Variants in SLC4A4 observed in about 807,000 individuals in gnomAD.
The protein encoded by SLC4A4 is solute carrier family 4 member 4.
In SLC4A4, 27 loss-of-function variants were observed where a neutral mutation model predicts 111.5. The ratio of observed to expected loss-of-function variants is 0.24; its 90% confidence interval spans 0.18 to 0.33. SLC4A4 has a LOEUF of 0.33. Ranked by LOEUF, SLC4A4 falls within the 10% of genes least tolerant of loss-of-function variation. SLC4A4 has a pLI of 1.00. For synonymous variants in SLC4A4, 443 were observed against 463.4 expected (o/e 0.96, Z 0.57); for missense variants, 909 against 1,315.5 (o/e 0.69, Z 4.78).
chr4:71,563,620 T>C (rs931053792), intron 23 of SLC4A4, among the ~76,000 whole-genome samples, 173 bp from the exon 24 acceptor site: 1 of 151,712 alleles, frequency 6.6e-6, no homozygotes, highest in South Asian at 2.1e-4. Flanking sequence ...GGAAAACAAA[T>C]GTGAGGGGGA....
intron 24 of SLC4A4, among the ~76,000 whole-genome samples, chr4:71,565,017 T>C (rs976790331): frequency 2.0e-5 from 3 of 151,848 alleles, no homozygotes; most frequent in Admixed American, 6.6e-5. Flanking sequence ...CTATTTTTTT[T>C]TTTTCCAGGA....
intron 1 of SLC4A4, among the ~76,000 whole-genome samples, chr4:71,192,631 C>T (rs912484345): frequency 6.6e-6 from 1 of 152,130 alleles, no homozygotes; most frequent in Non-Finnish European, 1.5e-5. Flanking sequence ...ATTACACCCC[C>T]TTCTCCCTCC....
chr4:71,396,515 T>C (rs977207868), intron 6 of SLC4A4, among the ~76,000 whole-genome samples: 2 of 152,250 alleles, frequency 1.3e-5, no homozygotes, highest in African/African-American at 2.4e-5. Flanking sequence ...GGTGCTTCTT[T>C]TCAACCCTTG....
At chr4:71,136,916 T>C (rs968668956) in intron 2 of SLC4A4, among the ~76,000 whole-genome samples, 1 of 152,196 alleles carries the variant, frequency 6.6e-6, no homozygotes, top group Admixed American at 6.5e-5. Flanking sequence ...AGGGTAATGT[T>C]AGATGAAGAA....
At chr4:71,121,209 G>T (rs114654867) in intron 2 of SLC4A4, among the ~76,000 whole-genome samples, 1 of 151,242 alleles carries the variant, frequency 6.6e-6, no homozygotes, top group African/African-American at 2.4e-5. Flanking sequence ...AGCCTCCCCC[G>T]CTTCCCTCCC....
chr4:71,066,030 G>C (rs1279223459), intron 1 of SLC4A4, among the ~76,000 whole-genome samples: 1 of 151,784 alleles, frequency 6.6e-6, no homozygotes, highest in Non-Finnish European at 1.5e-5. Flanking sequence ...AGTATTTCTT[G>C]AATCAATGAA....
intron 1 of SLC4A4, among the ~76,000 whole-genome samples, chr4:71,188,701 T>A (rs1745602578): frequency 6.6e-6 from 1 of 152,136 alleles, no homozygotes; most frequent in Non-Finnish European, 1.5e-5. Context: ...ATTAGAACAA[T>A]ATTCAGTAGC....
intron 2 of SLC4A4, among the ~76,000 whole-genome samples, chr4:71,240,188 T>A (rs1720097498): frequency 1.3e-5 from 2 of 152,218 alleles, no homozygotes; most frequent in Admixed American, 1.3e-4. Flanking sequence ...TATGGATGTT[T>A]TATTCCTAAA....
intron 12 of SLC4A4, among the ~76,000 whole-genome samples, chr4:71,464,270 T>A (rs931516178): frequency 6.6e-6 from 1 of 152,204 alleles, no homozygotes; most frequent in Admixed American, 6.5e-5. Context: ...TTGTGTCACA[T>A]TGAATGTGAA....
At chr4:71,114,289 T>A (rs1743185780) in intron 2 of SLC4A4, among the ~76,000 whole-genome samples, 1 of 151,702 alleles carries the variant, frequency 6.6e-6, no homozygotes, top group Non-Finnish European at 1.5e-5. Context: ...GGACTTCATG[T>A]CTAAAACACC....
intron 7 of SLC4A4, among the ~76,000 whole-genome samples, chr4:71,407,599 T>C (rs1341188258): frequency 3.3e-5 from 5 of 152,182 alleles, no homozygotes; most frequent in African/African-American, 1.2e-4. Context: ...AAATAAAACA[T>C]TCTTCCTTGG....
intron 16 of SLC4A4, among the ~76,000 whole-genome samples, chr4:71,527,952 C>A (rs1018320021): frequency 1.3e-5 from 2 of 151,980 alleles, no homozygotes; most frequent in African/African-American, 4.8e-5. Context: ...CTCTGGAACA[C>A]TGCAATCTCA....
At chr4:71,186,420 A>T (rs1745451028), upstream of SLC4A4, among the ~76,000 whole-genome samples, 1 of 152,244 alleles carries the variant, frequency 6.6e-6, no homozygotes, top group African/African-American at 2.4e-5. Flanking sequence ...TTAGTTCTGC[A>T]TGAAAGCACA....
chr4:71,200,377 C>A (rs1560775435), intron 1 of SLC4A4, among the ~76,000 whole-genome samples: 2 of 152,140 alleles, frequency 1.3e-5, no homozygotes, highest in Non-Finnish European at 2.9e-5. Flanking sequence ...TGATGTACAT[C>A]ATTTTAAAAT....
At chr4:71,298,639 A>T (rs1724988191) in intron 3 of SLC4A4, among the ~76,000 whole-genome samples, 1 of 152,064 alleles carries the variant, frequency 6.6e-6, no homozygotes, top group Non-Finnish European at 1.5e-5. Flanking sequence ...ATAGGAAAAG[A>T]GATTCAGTTT....
intron 2 of SLC4A4, among the ~76,000 whole-genome samples, chr4:71,129,264 A>G (rs1743635802): frequency 6.6e-6 from 1 of 152,228 alleles, no homozygotes; most frequent in South Asian, 2.1e-4. Context: ...AAACAAGCTG[A>G]CAAGCAAAAA....
chr4:71,138,053 T>A (rs1332710419), intron 2 of SLC4A4, among the ~76,000 whole-genome samples: 1 of 152,214 alleles, frequency 6.6e-6, no homozygotes, highest in African/African-American at 2.4e-5. Context: ...TTCATTTCTA[T>A]ATTTAACAGT....
chr4:71,401,152 C>A (rs1720321852), intron 7 of SLC4A4, among the ~76,000 whole-genome samples: 1 of 152,186 alleles, frequency 6.6e-6, no homozygotes, highest in African/African-American at 2.4e-5. Flanking sequence ...CAGAATTGCT[C>A]TTTCTGACAG....
At chr4:71,159,394 GAC>G (rs1375935063) in intron 2 of SLC4A4, among the ~76,000 whole-genome samples, 1 of 151,730 alleles carries the variant, frequency 6.6e-6, no homozygotes, top group Non-Finnish European at 1.5e-5. Context: ...GTCTTATTGA[GAC>G]AGAATCTTGC....
Sources: allele counts gnomAD v4.1 joint callset (sites outside exome capture counted in the v4.1 genomes callset), GRCh38; gene constraint gnomAD v4.1.1; transcripts MANE v1.5; gene names NCBI Gene and HGNC (gene_info 2026-07-23, HGNC 2026-07-21).